IQCM: variants seen among roughly 807,000 people sequenced by gnomAD.
IQCM encodes the protein IQ domain-containing protein M.
In IQCM, 45 loss-of-function variants were observed where a neutral mutation model predicts 57.6. The ratio of observed to expected loss-of-function variants is 0.78; its 90% CI spans 0.62 to 1.00. The LOEUF (loss-of-function observed/expected upper bound fraction) is 1.00, where lower values mean the gene tolerates loss of function less well. Among genes scored for constraint, IQCM ranks in the 50% least tolerant of loss-of-function variants. The pLI is 0.00. For missense variants in IQCM, 468 were observed against 511.6 expected (o/e 0.91, Z 0.82); for synonymous variants, 148 against 158.9 (o/e 0.93, Z 0.51).
intron 2 of IQCM, among the ~76,000 whole-genome samples, chr4:149,779,104 C>A (rs1771368298): frequency 6.6e-6 from 1 of 152,066 alleles, no homozygotes; most frequent in South Asian, 2.1e-4. Flanking sequence ...TAAAATTCAG[C>A]AAATATTTTA....
chr4:149,797,577 G>C (rs1373165486), intron 2 of IQCM, among the ~76,000 whole-genome samples: 1 of 151,840 alleles, frequency 6.6e-6, no homozygotes, highest in Non-Finnish European at 1.5e-5. Flanking sequence ...AGTACAGAAA[G>C]GTTATAGAAA....
At chr4:149,598,899 G>A in intron 8 of IQCM, among the ~76,000 whole-genome samples, 1 of 152,146 alleles carries the variant, frequency 6.6e-6, no homozygotes, top group East Asian at 1.9e-4. Context: ...AGTAAATAGA[G>A]GAGCTGCTTA....
intron 5 of IQCM, among the ~76,000 whole-genome samples, chr4:149,732,504 T>C (rs1182812847): frequency 1.3e-5 from 2 of 152,208 alleles, no homozygotes; most frequent in African/African-American, 2.4e-5. Flanking sequence ...AATTACCCTG[T>C]GTTTATCCTC....
intron 2 of IQCM, among the ~76,000 whole-genome samples, chr4:149,743,042 C>A (rs1470385559): frequency 6.6e-6 from 1 of 152,140 alleles, no homozygotes; most frequent in Non-Finnish European, 1.5e-5. Context: ...AGTAAAATAG[C>A]TTGTCAAGGT....
At chr4:149,498,473 G>C (rs150025514) in intron 12 of IQCM, among the ~76,000 whole-genome samples, 1,606 of 152,206 alleles carry the variant, frequency 0.011, 18 homozygotes, top group Non-Finnish European at 0.016. Flanking sequence ...TTCCTTGTAG[G>C]CATTTCAACC....
intron 12 of IQCM, among the ~76,000 whole-genome samples, chr4:149,460,330 A>C: frequency 6.6e-6 from 1 of 152,150 alleles, no homozygotes. Context: ...TATAAGATAC[A>C]TGATTTGCAA....
At chr4:149,449,378 TTA>T (rs1163066363) in intron 12 of IQCM, among the ~76,000 whole-genome samples, 3 of 145,796 alleles carry the variant, frequency 2.1e-5, no homozygotes, top group African/African-American at 5.0e-5. Context: ...ATATTATATA[TTA>T]TATATATAAT....
At chr4:149,542,729 TAGA>T (rs569920263) in intron 12 of IQCM, among the ~76,000 whole-genome samples, 241 of 152,268 alleles carry the variant, frequency 1.6e-3, no homozygotes, top group African/African-American at 5.6e-3. Flanking sequence ...AAGATAATTA[TAGA>T]AGTTTATTTT....
intron 12 of IQCM, among the ~76,000 whole-genome samples, chr4:149,545,638 A>C (rs1337807543): frequency 6.6e-6 from 1 of 152,160 alleles, no homozygotes; most frequent in Non-Finnish European, 1.5e-5. Context: ...GAATTTCCTT[A>C]AACAATTAAA....
chr4:149,472,878 T>G (rs1297091315), intron 12 of IQCM, among the ~76,000 whole-genome samples: 1 of 152,024 alleles, frequency 6.6e-6, no homozygotes, highest in East Asian at 1.9e-4. Context: ...GGAGAAAGGA[T>G]TCCCTGTTTA....
chr4:149,666,239 T>A (rs985008204), intron 7 of IQCM: 1 of 152,108 alleles, frequency 6.6e-6, no homozygotes, highest in Non-Finnish European at 1.5e-5. Context: ...GTTCATCTCA[T>A]TGGGACTGGC....
At chr4:149,585,998 G>T (rs1752610713) in intron 9 of IQCM, among the ~76,000 whole-genome samples, 1 of 151,662 alleles carries the variant, frequency 6.6e-6, no homozygotes, top group Admixed American at 6.6e-5. Flanking sequence ...TGACTGGCTG[G>T]CTGGCTCCAG....
At chr4:149,534,427 G>T (rs1303449792) in intron 12 of IQCM, among the ~76,000 whole-genome samples, 6 of 152,110 alleles carry the variant, frequency 3.9e-5, no homozygotes, top group Admixed American at 3.9e-4. Context: ...AAATACGCTT[G>T]TATGGGTGTA....
chr4:149,659,042 C>A (rs1759909952), intron 7 of IQCM, among the ~76,000 whole-genome samples: 1 of 151,872 alleles, frequency 6.6e-6, no homozygotes, highest in South Asian at 2.1e-4. Context: ...AAAAGGGTAT[C>A]TTTTTTATTG....
chr4:149,804,484 C>A (rs1454879824), intron 2 of IQCM, among the ~76,000 whole-genome samples: 1 of 152,028 alleles, frequency 6.6e-6, no homozygotes, highest in Non-Finnish European at 1.5e-5. Context: ...GAGTGACAGA[C>A]TGCCCTGTGA....
intron 13 of IQCM, among the ~76,000 whole-genome samples, chr4:149,359,030 C>T (rs1426669894): frequency 6.6e-6 from 1 of 151,888 alleles, no homozygotes; most frequent in African/African-American, 2.4e-5. Flanking sequence ...AAGGGGACAT[C>T]AAGGAAATTT....
chr4:149,472,389 A>C (rs911471650), intron 12 of IQCM, among the ~76,000 whole-genome samples: 1 of 152,198 alleles, frequency 6.6e-6, no homozygotes, highest in African/African-American at 2.4e-5. Context: ...AAAGGGAATA[A>C]AATATCTAGG....
intron 7 of IQCM, among the ~76,000 whole-genome samples, chr4:149,648,423 ATTTTCTTAAT>A (rs1473322271): frequency 6.6e-6 from 1 of 152,086 alleles, no homozygotes; most frequent in Non-Finnish European, 1.5e-5. Flanking sequence ...TATGTGCCAC[ATTTTCTTAAT>A]CCAGTCTATC....
At chr4:149,782,412 C>T (rs189933926) in intron 2 of IQCM, among the ~76,000 whole-genome samples, 2 of 151,802 alleles carry the variant, frequency 1.3e-5, no homozygotes, top group Non-Finnish European at 2.9e-5. Flanking sequence ...AATATAACAA[C>T]CAATCTGGGA....
Sources: allele counts gnomAD v4.1 joint callset (sites outside exome capture counted in the v4.1 genomes callset), GRCh38; gene constraint gnomAD v4.1.1; transcripts MANE v1.5; gene names NCBI Gene and HGNC (gene_info 2026-07-23, HGNC 2026-07-21).